DCBLD2: variants seen among roughly 807,000 people sequenced by gnomAD.
DCBLD2 encodes the protein discoidin, CUB and LCCL domain-containing protein 2.
Under a neutral mutation model 86.8 loss-of-function variants are expected in DCBLD2, and 54 were observed. That is an observed-to-expected ratio of 0.62 (90% confidence interval 0.50 to 0.78). The LOEUF (loss-of-function observed/expected upper bound fraction) is 0.78, where lower values mean the gene tolerates loss of function less well. DCBLD2 is among the 30% of genes least tolerant of loss of function. The pLI is 0.00. For missense variants in DCBLD2, 908 were observed against 954.2 expected, an observed-to-expected ratio of 0.95 and a Z score of 0.64; for synonymous variants, 354 against 341.3, an observed-to-expected ratio of 1.04 and a Z score of -0.41.
At chr3:98,839,164 TTTCTTTC>T (rs1246314826) in intron 3 of DCBLD2, among the ~76,000 whole-genome samples, 10 of 77,010 alleles carry the variant, frequency 1.3e-4, no homozygotes, top group South Asian at 5.7e-4. Flanking sequence ...TCTTTCTTTC[TTTCTTTC>T]CTTTCTTTCT....
intron 1 of DCBLD2, among the ~76,000 whole-genome samples, chr3:98,888,726 G>A (rs1277847242): frequency 6.6e-6 from 1 of 151,942 alleles, no homozygotes; most frequent in African/African-American, 2.4e-5. Flanking sequence ...CATTATTTTA[G>A]GAAATTTAAA....
intron 3 of DCBLD2, among the ~76,000 whole-genome samples, chr3:98,845,184 A>G (rs1942697485): frequency 1.3e-5 from 2 of 152,200 alleles, no homozygotes; most frequent in Admixed American, 1.3e-4. Flanking sequence ...TAATGAAAAA[A>G]GCTGAAAACT....
chr3:98,876,604 C>T (rs1943376191), intron 2 of DCBLD2, among the ~76,000 whole-genome samples: 2 of 152,084 alleles, frequency 1.3e-5, no homozygotes, highest in South Asian at 4.1e-4. Flanking sequence ...CATTTTTATG[C>T]TATGGAAATG....
At chr3:98,834,933 A>G (rs1466906580) in intron 3 of DCBLD2, among the ~76,000 whole-genome samples, 1 of 148,282 alleles carries the variant, frequency 6.7e-6, no homozygotes, top group Non-Finnish European at 1.5e-5. Flanking sequence ...TTCCATCCCA[A>G]TAGGCCACCA....
chr3:98,883,551 A>G (rs924050547), intron 1 of DCBLD2, among the ~76,000 whole-genome samples: 2 of 152,170 alleles, frequency 1.3e-5, no homozygotes, highest in South Asian at 2.1e-4. Context: ...TCTTTATCAT[A>G]AAGTTTGTAT....
chr3:98,834,148 T>A (rs1208187046), intron 3 of DCBLD2, among the ~76,000 whole-genome samples: 17 of 151,234 alleles, frequency 1.1e-4, no homozygotes, highest in Non-Finnish European at 2.4e-4. Context: ...TTTTCTTTTT[T>A]TTTTTTTTTT....
intron 1 of DCBLD2, among the ~76,000 whole-genome samples, chr3:98,892,914 C>T (rs1427271969): frequency 3.9e-5 from 6 of 152,206 alleles, no homozygotes; most frequent in African/African-American, 1.2e-4. Context: ...CACTGAAGCA[C>T]ACCAACAGGC....
intron 3 of DCBLD2, among the ~76,000 whole-genome samples, chr3:98,848,087 T>C (rs1167855524): frequency 6.6e-6 from 1 of 152,204 alleles, no homozygotes; most frequent in African/African-American, 2.4e-5. Context: ...GTATTAAGCC[T>C]GGTATCCATT....
intron 2 of DCBLD2, among the ~76,000 whole-genome samples, chr3:98,864,632 C>G (rs1192772107): frequency 1.3e-5 from 2 of 152,090 alleles, no homozygotes. Flanking sequence ...CATGTTCTCA[C>G]TCATAGGTGG....
chr3:98,855,743 G>C (rs147645172), intron 2 of DCBLD2, among the ~76,000 whole-genome samples: 1 of 152,162 alleles, frequency 6.6e-6, no homozygotes, highest in Non-Finnish European at 1.5e-5. Context: ...CAGATGGGCT[G>C]AAATATTCAT....
chr3:98,847,104 T>C (rs1375525119), intron 3 of DCBLD2, among the ~76,000 whole-genome samples: 1 of 152,220 alleles, frequency 6.6e-6, no homozygotes, highest in African/African-American at 2.4e-5. Context: ...TTGTGTTCTC[T>C]ACATTACTCT....
In DCBLD2 at chr3:98,849,694, T is replaced by A. The variant is rs1234714697; in HGVS notation, c.434-96A>T. The A allele has an allele frequency of 3.0e-6, 4 of 1,354,176 alleles. No homozygotes were observed. The Admixed American group carries it at 9.7e-5, about 33-fold the overall frequency. The allele number at this position is 1,354,176 out of a possible 1,614,324, so 83.9% of individuals were successfully genotyped here. A position where few individuals can be genotyped will look rare whatever the true frequency, so the allele number is the denominator to read the frequency against. Reference sequence around the variant, plus strand: ...ACAGAAGCAGAATAATATACCAAGCTGGCTGTTAAATTAGTATGGAATAAT... The same window carrying A: ...ACAGAAGCAGAATAATATACCAAGCAGGCTGTTAAATTAGTATGGAATAAT... On this transcript the variant is annotated intron_variant, in intron 2 of 15. Transcript: ENST00000326840.
intron 3 of DCBLD2, among the ~76,000 whole-genome samples, chr3:98,839,155 C>CTT (rs760056401): frequency 7.9e-5 from 7 of 88,996 alleles, no homozygotes; most frequent in African/African-American, 2.2e-4. Context: ...TTCTTTCTTT[C>CTT]TTTCTTTCTT....
At chr3:98,859,317 A>G (rs994816276) in intron 2 of DCBLD2, among the ~76,000 whole-genome samples, 1 of 152,156 alleles carries the variant, frequency 6.6e-6, no homozygotes. Flanking sequence ...TAGCCAAACA[A>G]AAGTCAGCAA....
In DCBLD2 at chr3:98,891,498, T is replaced by C. The variant is rs569497313; in HGVS notation, c.205+9624A>G. On this transcript the variant is annotated intron_variant, in intron 1 of 15. Transcript: ENST00000326840. ...CCCCACTTTCTATCTTTTCTCCCTC[T>C]AATCCACTGTCCACACTTCAGCCAG... is the stretch of plus-strand genomic sequence containing the variant. Among the ~76,000 whole-genome samples the C allele has an allele frequency of 5.9e-5, 9 of 152,238 alleles. No homozygotes were observed. The South Asian group carries it at 1.9e-3, about 32-fold the overall frequency.
In DCBLD2 at chr3:98,804,387, G is replaced by C. The variant is rs1941790532; in HGVS notation, c.1671-2738C>G. Among the ~76,000 whole-genome samples the C allele has an allele frequency of 3.3e-5, 5 of 152,084 alleles. No homozygotes were observed. The South Asian group carries it at 1.0e-3, about 32-fold the overall frequency. On this transcript the variant is annotated intron_variant, in intron 13 of 15. Coordinates refer to ENST00000326840, the MANE Select transcript of DCBLD2 (RefSeq NM_080927.4). ...AGTTTGTATTTCTGTGGGATCGGTG[G>C]TGATATCCCCTTTATCATTTTTTAT...
At chr3:98,862,237 A>C (rs1003966257) in intron 2 of DCBLD2, among the ~76,000 whole-genome samples, 2 of 152,120 alleles carry the variant, frequency 1.3e-5, no homozygotes, top group Admixed American at 6.6e-5. Context: ...ATAGCCTACC[A>C]ACCAAAAAAA....
intron 1 of DCBLD2, among the ~76,000 whole-genome samples, chr3:98,886,912 A>G (rs960610484): frequency 2.7e-5 from 4 of 148,396 alleles, no homozygotes; most frequent in African/African-American, 9.9e-5. Flanking sequence ...ATGCTTTTTT[A>G]GGCTACTCTA....
chr3:98,828,489 A>T (rs1464143593), intron 3 of DCBLD2, among the ~76,000 whole-genome samples: 1 of 152,220 alleles, frequency 6.6e-6, no homozygotes, highest in Non-Finnish European at 1.5e-5. Context: ...AGGGAAATGC[A>T]AATTAAAATC....
Sources: allele counts gnomAD v4.1 joint callset (sites outside exome capture counted in the v4.1 genomes callset), GRCh38; gene constraint gnomAD v4.1.1; transcripts MANE v1.5; gene names NCBI Gene and HGNC (gene_info 2026-07-23, HGNC 2026-07-21).